Variants in SLC25A43 observed in about 807,000 individuals in gnomAD.
SLC25A43 encodes the protein solute carrier family 25 member 43.
SLC25A43 carries 10 observed loss-of-function variants against 22.8 expected under a neutral mutation model. That is an observed-to-expected ratio of 0.44 (90% confidence interval 0.27 to 0.74). The LOEUF (loss-of-function observed/expected upper bound fraction) is 0.74, where lower values mean the gene tolerates loss of function less well. SLC25A43 is among the 30% of genes least tolerant of loss of function. SLC25A43 has a pLI of 0.17. For missense variants in SLC25A43, 233 were observed against 279.1 expected, an observed-to-expected ratio of 0.83 and a Z score of 1.18; for synonymous variants, 106 against 121.6, an observed-to-expected ratio of 0.87 and a Z score of 0.84.
chrX:119,427,737 A>G (rs1003004025), intron 3 of SLC25A43, among the ~76,000 whole-genome samples: 2 of 112,255 alleles, frequency 1.8e-5, no homozygotes, highest in Non-Finnish European at 3.8e-5. Context: ...CCTGTCCTCC[A>G]CATCCACAGA....
intron 3 of SLC25A43, among the ~76,000 whole-genome samples, chrX:119,449,905 G>A (rs745479060): frequency 6.3e-5 from 7 of 111,521 alleles, no homozygotes; most frequent in African/African-American, 2.0e-4. Flanking sequence ...AAGGGTGGGC[G>A]AAATGAAGGA....
At chrX:119,451,955 A>G (rs2052710089) in intron 3 of SLC25A43, 54 bp from the exon 4 acceptor site, 1 of 1,204,553 alleles carries the variant, frequency 8.3e-7, no homozygotes, top group Admixed American at 2.2e-5. Flanking sequence ...TTCCACTAGG[A>G]CATTTATTTC....
rs761384381 is a variant in SLC25A43, at chrX:119,410,273, C to T, written c.601C>T (p.Leu201Phe). ...IWNGPRDQFS[L>F]PQNFANVCLA... The stretch of plus-strand genomic sequence containing the variant: ...GAACGGACCCCGAGATCAGTTCTCT[C>T]TCCCACAGAACTTTGCTAATGTCTG... The change falls in exon 3 of 5, where the codon CTC becomes TTC. Residue 201 changes from leucine (L) to phenylalanine (F), a missense_variant. Coordinates refer to ENST00000217909, the MANE Select transcript of SLC25A43 (RefSeq NM_145305.3). 3 of 1,207,928 alleles carry T rather than the reference C, an allele frequency of 2.5e-6. No homozygotes were observed. The highest frequency in any genetic ancestry group is 1.1e-6 in the Non-Finnish European group (1 of 893,928).
intron 3 of SLC25A43, among the ~76,000 whole-genome samples, chrX:119,413,583 T>G (rs1206123748): frequency 9.1e-6 from 1 of 110,495 alleles, no homozygotes; most frequent in Non-Finnish European, 1.9e-5. Flanking sequence ...GGCACATGCC[T>G]GTAATCCCAG....
chrX:119,414,525 C>T (rs2052381991), intron 3 of SLC25A43, among the ~76,000 whole-genome samples: 1 of 109,917 alleles, frequency 9.1e-6, no homozygotes. Flanking sequence ...CCATGCCTGG[C>T]TAATTTTTGT....
At chrX:119,433,763 G>A (rs769171468) in intron 3 of SLC25A43, among the ~76,000 whole-genome samples, 24 of 111,889 alleles carry the variant, frequency 2.1e-4, no homozygotes, top group African/African-American at 7.5e-4. Context: ...ACTGACCCTT[G>A]CTTAAGAGAG....
At chrX:119,426,100 G>T in intron 3 of SLC25A43, 1 of 314,064 alleles carries the variant, frequency 3.2e-6, no homozygotes, top group Non-Finnish European at 4.2e-6. Context: ...TCCCAGGAAA[G>T]GTCTGCTGTC....
In SLC25A43 at chrX:119,421,285, T is replaced by A. The variant is rs73599686; in HGVS notation, c.690+10923T>A. 8.6e-3 allele frequency among the ~76,000 whole-genome samples: 961 copies of A among 111,686 alleles called. 13 individuals are homozygous for A. Among genetic ancestry groups the A allele is most frequent in the African/African-American group, 0.029 (880 of 30,787 alleles). ...GCCAGTAGAGGCTGTGGCCAGTTCCTCCTCTCCAAAGGACGGATGCCATTT... is the reference window on the plus strand; with the variant it reads ...GCCAGTAGAGGCTGTGGCCAGTTCCACCTCTCCAAAGGACGGATGCCATTT... On this transcript the variant is annotated intron_variant, in intron 3 of 4. Transcript: ENST00000217909.
At chrX:119,413,839 C>T (rs1256033289) in intron 3 of SLC25A43, among the ~76,000 whole-genome samples, 1 of 111,612 alleles carries the variant, frequency 9.0e-6, no homozygotes, top group Non-Finnish European at 1.9e-5. Flanking sequence ...ACAATTTCTC[C>T]TTTTTTTAAT....
rs2052645182 is a variant in SLC25A43 at position 119,443,992 on chromosome X, C to T, written c.691-8017C>T. Among the ~76,000 whole-genome samples, 11 of 110,248 alleles carry T rather than the reference C, an allele frequency of 1.0e-4. No homozygotes were observed. The Admixed American group carries it at 1.1e-3, about 11-fold the overall frequency. Reference sequence around the variant, plus strand: ...CTGGTCTTGGACTCCTGGGATCAAGCGATCTGCCAGCCTCAGCCTCCCAAA... The same window carrying T: ...CTGGTCTTGGACTCCTGGGATCAAGTGATCTGCCAGCCTCAGCCTCCCAAA... On this transcript the variant is annotated intron_variant, in intron 3 of 4. Transcript: ENST00000217909.
intron 3 of SLC25A43, among the ~76,000 whole-genome samples, chrX:119,433,759 C>A (rs2052574434): frequency 9.0e-6 from 1 of 111,260 alleles, no homozygotes; most frequent in South Asian, 3.8e-4. Flanking sequence ...GGAAACTGAC[C>A]CTTGCTTAAG....
intron 3 of SLC25A43, among the ~76,000 whole-genome samples, chrX:119,435,194 G>A (rs2052591666): frequency 9.0e-6 from 1 of 110,629 alleles, no homozygotes; most frequent in Non-Finnish European, 1.9e-5. Context: ...AGATCATATA[G>A]GACCTTGTAG....
chrX:119,453,994 TTG>T lies in SLC25A43; in HGVS notation c.*933_*934del, dbSNP rs1423217849. The stretch of plus-strand genomic sequence containing the variant: ...TTTGAAGCATCCCAGGCTTAAAATC[TTG>T]TGTTTCAGAAAGACAGTTTATACCA... On this transcript the variant is annotated 3_prime_UTR_variant, in exon 5 of 5. Coordinates refer to ENST00000217909, the MANE Select transcript of SLC25A43 (RefSeq NM_145305.3). 1 of 112,521 alleles carries T rather than the reference TTG, an allele frequency of 8.9e-6. No individual in the cohort carries two copies. The highest frequency in any genetic ancestry group is 1.9e-5 in the Non-Finnish European group (1 of 53,265). 9.3% of individuals were successfully genotyped at this position (112,521 alleles called of 1,213,427 possible).
At chrX:119,420,323 G>T (rs2052441515) in intron 3 of SLC25A43, among the ~76,000 whole-genome samples, 1 of 104,798 alleles carries the variant, frequency 9.5e-6, no homozygotes, top group African/African-American at 3.5e-5. Context: ...TGTGAGACAG[G>T]GTCTTGCTCT....
intron 3 of SLC25A43, chrX:119,434,545 G>A (rs1482055355): frequency 9.2e-6 from 1 of 108,171 alleles, no homozygotes; most frequent in African/African-American, 3.4e-5. Flanking sequence ...CATGCCTGTG[G>A]TCCCAGCTAC....
chrX:119,410,384 G>A (rs1321590007), intron 3 of SLC25A43, 22 bp downstream of exon 3: 18 of 1,205,633 alleles, frequency 1.5e-5, no homozygotes, highest in South Asian at 1.1e-4. Flanking sequence ...TCAGAGTGGG[G>A]TAGGGGGTGG....
chrX:119,406,900 G>A (rs1277237779), intron 2 of SLC25A43, among the ~76,000 whole-genome samples, 199 bp downstream of exon 2: 3 of 112,879 alleles, frequency 2.7e-5, no homozygotes, highest in Non-Finnish European at 5.6e-5. Context: ...TTACATCCCC[G>A]GGAGGGGAGT....
At chrX:119,409,738 C>G (rs2052333029) in intron 2 of SLC25A43, among the ~76,000 whole-genome samples, 1 of 110,356 alleles carries the variant, frequency 9.1e-6, no homozygotes, top group Non-Finnish European at 1.9e-5. Flanking sequence ...GTCTCAGTCT[C>G]CCAAGTAGCT....
intron 1 of SLC25A43, among the ~76,000 whole-genome samples, chrX:119,401,307 C>T (rs149853850): frequency 1.8e-5 from 2 of 111,332 alleles, no homozygotes; most frequent in Non-Finnish European, 3.8e-5. Context: ...ACTGTGTGCA[C>T]GATGCTGAGG....
Sources: allele counts gnomAD v4.1 joint callset (sites outside exome capture counted in the v4.1 genomes callset), GRCh38; gene constraint gnomAD v4.1.1; transcripts MANE v1.5; gene names NCBI Gene and HGNC (gene_info 2026-07-23, HGNC 2026-07-21).